The following PSMD9 variants were observed in gnomAD, a reference collection of about 807,000 sequenced individuals.
PSMD9 encodes the protein proteasome 26S subunit, non-ATPase 9, also known as 26S proteasome non-ATPase regulatory subunit 9.
Under a neutral mutation model 25.9 loss-of-function variants are expected in PSMD9, and 26 were observed. The observed-to-expected ratio is 1.00, with a 90% confidence interval of 0.73 to 1.39. The LOEUF is 1.39. PSMD9 is among the 40% of genes most tolerant of loss of function. The probability of loss-of-function intolerance (pLI) is 0.00; values close to 1 mark genes in which losing one functional copy is unlikely to be tolerated. For synonymous variants in PSMD9, 110 were observed against 114.5 expected (o/e 0.96, Z 0.25); for missense variants, 303 against 299.3 (o/e 1.01, Z -0.09).
rs755895796 is a variant in PSMD9, at chr12:121,916,364, G to A, written c.*53G>A. The A allele has an allele frequency of 6.9e-6, 11 of 1,597,230 alleles. No individual in the cohort carries two copies. The highest frequency in any genetic ancestry group is 9.4e-6 in the Non-Finnish European group (11 of 1,164,580). On this transcript the variant is annotated 3_prime_UTR_variant, in exon 6 of 6. Coordinates refer to ENST00000541212, the MANE Select transcript of PSMD9 (RefSeq NM_002813.7). ...GCATCTTCCCTTGCCCTGGACTTGG[G>A]TCTAGGGATTTCCAACTTGTCTTCT...
Position 121,903,020 on chromosome 12 carries a change from T to C in PSMD9, c.468T>C (p.Asp156=). ...SPASIAGLQV[D]DEIVEFGSVN... ...TCCCTCTCCAGGGTCTGCAAGTGGA[T>C]GATGAGATTGTGGAGTTCGGCTCTG... The change falls in exon 4 of 6, where the codon GAT becomes GAC. Residue 156 remains aspartate (D), a synonymous_variant. Transcript: ENST00000541212. 1 of 1,613,994 alleles carries C rather than the reference T, an allele frequency of 6.2e-7. No individual in the cohort carries two copies. The highest frequency in any genetic ancestry group is 8.5e-7 in the Non-Finnish European group (1 of 1,179,942).
In PSMD9 at chr12:121,909,571, T is replaced by C. The variant is rs895716520; in HGVS notation, c.556-6285T>C. On this transcript the variant is annotated intron_variant, in intron 4 of 5. Coordinates refer to ENST00000541212, the MANE Select transcript of PSMD9 (RefSeq NM_002813.7). ...CCTGGGCTCAAGTGAGCCTCCAGCC[T>C]CAGCCCCTCAAAACATTCAGATTAT... 5.3e-5 allele frequency among the ~76,000 whole-genome samples: 8 copies of C among 151,944 alleles called. No individual in the cohort carries two copies. The South Asian group carries it at 1.7e-3, about 32-fold the overall frequency.
At chr12:121,903,788 T>C (rs1423950381) in intron 4 of PSMD9, among the ~76,000 whole-genome samples, 3 of 149,304 alleles carry the variant, frequency 2.0e-5, no homozygotes, top group Non-Finnish European at 4.4e-5. Flanking sequence ...AGGGTCATGC[T>C]GTGTCACCCA....
At chr12:121,902,770 G>T in intron 3 of PSMD9, 1 of 463,772 alleles carries the variant, frequency 2.2e-6, no homozygotes, top group South Asian at 2.1e-5. Context: ...CAGACATTGG[G>T]CAGACCTGGT....
chr12:121,889,145 G>A (rs770501958), intron 1 of PSMD9, 151 bp downstream of exon 1: 2 of 978,150 alleles, frequency 2.0e-6, no homozygotes, highest in Non-Finnish European at 3.0e-6. Flanking sequence ...GTCGGCACAA[G>A]AAGGCAGGCA....
At position 121,903,042 on chromosome 12, in the gene PSMD9, T is replaced by C; in HGVS notation, c.490T>C (p.Ser164Pro). The C allele has an allele frequency of 6.2e-7, 1 of 1,614,138 alleles. No individual in the cohort carries two copies. Among genetic ancestry groups the C allele is most frequent in the Non-Finnish European group, 8.5e-7 (1 of 1,180,006 alleles). ...QVDDEIVEFG[S>P]VNTQNFQSLH... is the part of the protein sequence containing the mutation. ...GGATGATGAGATTGTGGAGTTCGGCTCTGTGAACACCCAGAACTTCCAGTC... is the reference window on the plus strand; with the variant it reads ...GGATGATGAGATTGTGGAGTTCGGCCCTGTGAACACCCAGAACTTCCAGTC... Residue 164 changes from serine to proline, a missense_variant, in exon 4 of 6, where the codon TCT becomes CCT. By Grantham distance (74) the Ser-to-Pro change is moderately conservative (BLOSUM62 -1). Coordinates refer to ENST00000541212, the MANE Select transcript of PSMD9 (RefSeq NM_002813.7).
chr12:121,903,716 C>A (rs936410253), intron 4 of PSMD9, among the ~76,000 whole-genome samples: 5 of 148,600 alleles, frequency 3.4e-5, no homozygotes, highest in African/African-American at 1.2e-4. Flanking sequence ...TGCCCTGTCT[C>A]TGTTTTCATT....
intron 1 of PSMD9, among the ~76,000 whole-genome samples, chr12:121,890,870 A>G (rs898649941): frequency 8.5e-5 from 13 of 152,182 alleles, no homozygotes; most frequent in Admixed American, 7.2e-4. Context: ...GCATGTTGAT[A>G]CGGCATGTTG....
intron 1 of PSMD9, among the ~76,000 whole-genome samples, chr12:121,893,453 C>T (rs1173376696): frequency 1.3e-5 from 2 of 152,214 alleles, no homozygotes; most frequent in Non-Finnish European, 2.9e-5. Flanking sequence ...TGCGCGTAGT[C>T]GTTTTCTGAG....
intron 1 of PSMD9, chr12:121,894,401 A>C: frequency 4.6e-6 from 1 of 215,164 alleles, no homozygotes; most frequent in Non-Finnish European, 9.5e-6. Context: ...GCCAGGTGTC[A>C]GCCACCTGTG....
At chr12:121,890,939 A>G (rs756941315) in intron 1 of PSMD9, among the ~76,000 whole-genome samples, 7 of 151,014 alleles carry the variant, frequency 4.6e-5, no homozygotes, top group Non-Finnish European at 8.9e-5. Flanking sequence ...ACCGTGCTCT[A>G]TATTTGTTTT....
At chr12:121,909,360 C>T (rs1273391889) in intron 4 of PSMD9, among the ~76,000 whole-genome samples, 1 of 150,970 alleles carries the variant, frequency 6.6e-6, no homozygotes, top group African/African-American at 2.4e-5. Context: ...GCTGCCCAGG[C>T]TGGAGTGCAG....
intron 2 of PSMD9, among the ~76,000 whole-genome samples, chr12:121,895,182 A>G (rs1879197094): frequency 6.6e-6 from 1 of 151,884 alleles, no homozygotes; most frequent in African/African-American, 2.4e-5. Context: ...AGTAGCTGGG[A>G]CTATAGGCAT....
At chr12:121,897,168 C>T (rs530904510) in intron 2 of PSMD9, 1 of 152,234 alleles carries the variant, frequency 6.6e-6, no homozygotes, top group South Asian at 2.1e-4. Context: ...GCTGAGGCCT[C>T]CCAAATATAT....
At chr12:121,897,034 T>C (rs956578400) in intron 2 of PSMD9, among the ~76,000 whole-genome samples, 5 of 152,012 alleles carry the variant, frequency 3.3e-5, no homozygotes, top group African/African-American at 4.8e-5. Context: ...AAAATACACA[T>C]ATGAGTGAAT....
At chr12:121,905,590 C>T (rs1038582952) in intron 4 of PSMD9, among the ~76,000 whole-genome samples, 15 of 151,316 alleles carry the variant, frequency 9.9e-5, no homozygotes, top group African/African-American at 2.7e-4. Flanking sequence ...TGCAGTGGCA[C>T]GATCTCGGCT....
In PSMD9 at chr12:121,896,849, A is replaced by G. The variant is rs11043234; in HGVS notation, c.241+2008A>G. ...GAAACTCTGTCTCAAAAAAAAAAAA[A>G]AAAAGAAAAGAAAAAAAAATTGGAA... On this transcript the variant is annotated intron_variant, in intron 2 of 5. Coordinates refer to ENST00000541212, the MANE Select transcript of PSMD9 (RefSeq NM_002813.7). Among the ~76,000 whole-genome samples the G allele has an allele frequency of 1.3e-3, 187 of 148,362 alleles. 2 individuals carry two copies. Among genetic ancestry groups the G allele is most frequent in the Non-Finnish European group, 2.1e-3 (143 of 67,266 alleles).
intron 4 of PSMD9, chr12:121,911,095 A>AGT (rs543473483): frequency 4.1e-4 from 176 of 431,198 alleles, no homozygotes; most frequent in African/African-American, 3.3e-3. Context: ...GCTGGAGTGC[A>AGT]GTGGCTCAAT....
chr12:121,908,191 T>A (rs541714187), intron 4 of PSMD9: 1 of 152,164 alleles, frequency 6.6e-6, no homozygotes, highest in East Asian at 1.9e-4. Flanking sequence ...TTTTTTTTTT[T>A]TTTGAGACAG....
Sources: allele counts gnomAD v4.1 joint callset (sites outside exome capture counted in the v4.1 genomes callset), GRCh38; gene constraint gnomAD v4.1.1; transcripts MANE v1.5; gene names NCBI Gene and HGNC (gene_info 2026-07-23, HGNC 2026-07-21).